The following NRG1 variants were observed in gnomAD, a reference collection of about 807,000 sequenced individuals.
NRG1 encodes the protein neuregulin 1.
In NRG1, 18 loss-of-function variants were observed where a neutral mutation model predicts 63.8. That is an observed-to-expected ratio of 0.28 (90% CI 0.19 to 0.42). The LOEUF is 0.42. Ranked by LOEUF, NRG1 falls within the 10% of genes least tolerant of loss-of-function variation. The pLI is 1.00. For missense variants in NRG1, 762 were observed against 814.7 expected (o/e 0.94, Z 0.79); for synonymous variants, 302 against 301.3 (o/e 1.00, Z -0.02).
chr8:31,831,369 C>T (rs34422327), intron 1 of NRG1, among the ~76,000 whole-genome samples: 36,460 of 152,054 alleles, frequency 0.24, 4,694 homozygotes, highest in Non-Finnish European at 0.27. Context: ...TCCCAAAGTG[C>T]TGGGATTACA....
At chr8:32,124,094 T>C (rs2131576903) in intron 1 of NRG1, among the ~76,000 whole-genome samples, 1 of 152,092 alleles carries the variant, frequency 6.6e-6, no homozygotes, top group Non-Finnish European at 1.5e-5. Context: ...AACTTGGATA[T>C]AATGAAATTT....
At chr8:31,714,695 CATCT>C (rs773264849) in intron 1 of NRG1, among the ~76,000 whole-genome samples, 12 of 152,128 alleles carry the variant, frequency 7.9e-5, no homozygotes, top group Non-Finnish European at 1.6e-4. Context: ...TCTATCAATT[CATCT>C]ATCTATCTGT....
At chr8:32,140,683 G>A (rs750025133) in intron 1 of NRG1, among the ~76,000 whole-genome samples, 1 of 151,916 alleles carries the variant, frequency 6.6e-6, no homozygotes, top group African/African-American at 2.4e-5. Context: ...AGCTGGTCTT[G>A]AACTCCTGGG....
At chr8:31,826,190 G>A (rs1437906274) in intron 1 of NRG1, among the ~76,000 whole-genome samples, 1 of 152,170 alleles carries the variant, frequency 6.6e-6, no homozygotes, top group Non-Finnish European at 1.5e-5. Flanking sequence ...GGATTTGTAT[G>A]AGAATTCTGG....
intron 5 of NRG1, among the ~76,000 whole-genome samples, chr8:32,726,524 G>A (rs1417922785): frequency 3.3e-5 from 5 of 151,912 alleles, no homozygotes; most frequent in Middle Eastern, 3.2e-3. Context: ...GCTGTTATTC[G>A]AAAAAGCCAT....
chr8:32,344,885 G>A (rs1804683966), intron 1 of NRG1, among the ~76,000 whole-genome samples: 1 of 152,120 alleles, frequency 6.6e-6, no homozygotes, highest in Admixed American at 6.5e-5. Context: ...GCTCAGAAAT[G>A]GTTAAGACCT....
intron 1 of NRG1, among the ~76,000 whole-genome samples, chr8:32,089,887 C>T (rs1358054673): frequency 6.6e-6 from 1 of 152,152 alleles, no homozygotes; most frequent in Non-Finnish European, 1.5e-5. Context: ...GGAAATAGAA[C>T]ATTTTCTGTC....
chr8:31,639,335 GCGGGGA>G (rs1210207082), exon 1 of NRG1: 31 of 1,530,746 alleles, frequency 2.0e-5, no homozygotes, highest in Non-Finnish European at 2.6e-5. Context: ...GAGGAGGCGC[GCGGGGA>G]CGGGGACGCC....
intron 1 of NRG1, among the ~76,000 whole-genome samples, chr8:32,444,913 A>C (rs969248169): frequency 3.3e-5 from 5 of 152,206 alleles, no homozygotes; most frequent in Admixed American, 2.6e-4. Context: ...AATGTCTGTG[A>C]TTGATTTTTC....
At chr8:31,775,291 A>G (rs1292984992) in intron 1 of NRG1, among the ~76,000 whole-genome samples, 1 of 152,212 alleles carries the variant, frequency 6.6e-6, no homozygotes, top group Non-Finnish European at 1.5e-5. Flanking sequence ...TGTCTTTTGC[A>G]TCAACAGGTA....
chr8:32,132,199 G>A (rs1019357812), intron 1 of NRG1, among the ~76,000 whole-genome samples: 2 of 152,064 alleles, frequency 1.3e-5, no homozygotes, highest in Non-Finnish European at 2.9e-5. Flanking sequence ...TCTTTCATGT[G>A]TGTTGTCTCC....
At chr8:32,738,086 G>A (rs1825534363) in intron 6 of NRG1, among the ~76,000 whole-genome samples, 2 of 152,098 alleles carry the variant, frequency 1.3e-5, no homozygotes, top group Admixed American at 1.3e-4. Context: ...ATTGTGCTAG[G>A]CATTAGAGAT....
At chr8:32,702,521 T>C (rs1369958528) in intron 5 of NRG1, among the ~76,000 whole-genome samples, 5 of 152,196 alleles carry the variant, frequency 3.3e-5, no homozygotes, top group Non-Finnish European at 5.9e-5. Context: ...GAGTCTCGCC[T>C]TGTGGCCCAG....
At chr8:32,736,811 G>A (rs1392676070) in intron 6 of NRG1, among the ~76,000 whole-genome samples, 1 of 152,014 alleles carries the variant, frequency 6.6e-6, no homozygotes, top group African/African-American at 2.4e-5. Flanking sequence ...GACCATAAAT[G>A]TGTGGTTTAT....
At position 31,686,855 on chromosome 8, in the gene NRG1, G is replaced by A. The variant is rs554562552; in HGVS notation, c.37+47424G>A. The stretch of plus-strand genomic sequence containing the variant: ...GCAATTTCTGCTCACTGCAACCTCC[G>A]CTTCCTTGGTTCAACGATTTCTCTG... On this transcript the variant is annotated intron_variant, in intron 1 of 10. Coordinates refer to the NRG1 transcript ENST00000519301. Among the ~76,000 whole-genome samples the A allele has an allele frequency of 5.9e-5, 9 of 152,022 alleles. No homozygotes were observed. The South Asian group carries it at 1.0e-3, about 18-fold the overall frequency.
intron 1 of NRG1, among the ~76,000 whole-genome samples, chr8:32,198,974 G>A (rs1183936581): frequency 1.3e-5 from 2 of 151,822 alleles, no homozygotes; most frequent in South Asian, 2.1e-4. Context: ...TATGCTACTT[G>A]TATTTAGTAT....
At chr8:32,584,139 A>C (rs1184624573) in intron 1 of NRG1, among the ~76,000 whole-genome samples, 2 of 152,150 alleles carry the variant, frequency 1.3e-5, no homozygotes, top group African/African-American at 4.8e-5. Flanking sequence ...ATACGGTTTG[A>C]CTTTGGAGGA....
intron 1 of NRG1, among the ~76,000 whole-genome samples, chr8:32,453,504 A>G (rs2129488235): frequency 6.6e-6 from 1 of 152,226 alleles, no homozygotes; most frequent in East Asian, 1.9e-4. Flanking sequence ...GCAAATAATC[A>G]ACAGGAGAAG....
At chr8:32,110,384 T>C (rs16878835) in intron 1 of NRG1, among the ~76,000 whole-genome samples, 3,593 of 152,094 alleles carry the variant, frequency 0.024, 155 homozygotes, top group African/African-American at 0.082. Context: ...AAACCAGCAG[T>C]GTTTTTTTAA....
Sources: allele counts gnomAD v4.1 joint callset (sites outside exome capture counted in the v4.1 genomes callset), GRCh38; gene constraint gnomAD v4.1.1; transcripts MANE v1.5; gene names NCBI Gene and HGNC (gene_info 2026-07-23, HGNC 2026-07-21).